The following KCNIP4 variants were observed in gnomAD, a reference collection of about 807,000 sequenced individuals.
KCNIP4 encodes Kv channel-interacting protein 4.
KCNIP4 carries 12 observed loss-of-function variants against 34.0 expected under a neutral mutation model. The ratio of observed to expected loss-of-function variants is 0.35; its 90% confidence interval spans 0.23 to 0.57. The LOEUF is 0.57. KCNIP4 is among the 20% of genes least tolerant of loss of function. The pLI, the probability that KCNIP4 is intolerant of heterozygous loss-of-function variation, is 0.83. For synonymous variants in KCNIP4, 124 were observed against 102.2 expected, an observed-to-expected ratio of 1.21 and a Z score of -1.29; for missense variants, 238 against 311.7, an observed-to-expected ratio of 0.76 and a Z score of 1.78.
At position 21,140,400 on chromosome 4, in the gene KCNIP4, G is replaced by A. The variant is rs188388713; in HGVS notation, c.62-257691C>T. On this transcript the variant is annotated intron_variant, in intron 1 of 8. Transcript: ENST00000382152. ...AGTAAGTGCTTACAATCTTATCAAA[G>A]CCCATCAAAGCCCATTCCCTTTCCT... is the stretch of plus-strand genomic sequence containing the variant. Among the ~76,000 whole-genome samples the A allele has an allele frequency of 9.9e-5, 15 of 152,138 alleles. 1 individual carries two copies. In the East Asian group the frequency reaches 2.9e-3, roughly 29 times the overall value.
intron 1 of KCNIP4, among the ~76,000 whole-genome samples, chr4:20,967,917 A>G (rs1383265510): frequency 1.3e-5 from 2 of 152,246 alleles, no homozygotes; most frequent in African/African-American, 4.8e-5. Flanking sequence ...AACAAAAGCC[A>G]CAATAGACAA....
chr4:21,834,988 G>T (rs1258015229), intron 1 of KCNIP4, among the ~76,000 whole-genome samples: 3 of 151,930 alleles, frequency 2.0e-5, no homozygotes, highest in Admixed American at 1.3e-4. Flanking sequence ...TGCTGGATTC[G>T]ATTTGCCAGT....
chr4:21,934,063 G>T (rs1208870682), intron 1 of KCNIP4, among the ~76,000 whole-genome samples: 1 of 152,056 alleles, frequency 6.6e-6, no homozygotes, highest in Non-Finnish European at 1.5e-5. Context: ...TTCTGAGTTG[G>T]TTAGTCTTAG....
At chr4:21,771,610 T>C (rs1325587319) in intron 1 of KCNIP4, among the ~76,000 whole-genome samples, 1 of 152,218 alleles carries the variant, frequency 6.6e-6, no homozygotes, top group African/African-American at 2.4e-5. Context: ...GTGTCCTCCC[T>C]TAGTTCCTTG....
intron 1 of KCNIP4, among the ~76,000 whole-genome samples, chr4:21,423,957 G>A (rs945947951): frequency 1.3e-5 from 2 of 150,864 alleles, no homozygotes; most frequent in East Asian, 2.0e-4. Flanking sequence ...ACAGGCGCGC[G>A]CCACCATGCC....
intron 1 of KCNIP4, among the ~76,000 whole-genome samples, chr4:21,737,955 A>G (rs1374610505): frequency 6.6e-6 from 1 of 151,822 alleles, no homozygotes; most frequent in Non-Finnish European, 1.5e-5. Context: ...TTAGTGGGGC[A>G]TGGTGGCACG....
intron 1 of KCNIP4, among the ~76,000 whole-genome samples, chr4:21,740,063 C>A (rs1291439353): frequency 1.3e-5 from 2 of 151,948 alleles, no homozygotes; most frequent in African/African-American, 2.4e-5. Flanking sequence ...TACAGCCAAG[C>A]AACTTTTCAA....
At chr4:21,166,087 G>T (rs1753608702) in intron 1 of KCNIP4, among the ~76,000 whole-genome samples, 1 of 152,066 alleles carries the variant, frequency 6.6e-6, no homozygotes, top group African/African-American at 2.4e-5. Flanking sequence ...AGAACTGTGA[G>T]CAATATATTT....
At chr4:21,803,754 G>A (rs1721136660) in intron 1 of KCNIP4, among the ~76,000 whole-genome samples, 1 of 152,112 alleles carries the variant, frequency 6.6e-6, no homozygotes, top group South Asian at 2.1e-4. Flanking sequence ...TATACAAACA[G>A]GCAATTCCTG....
chr4:21,399,322 C>T (rs1275399599), intron 1 of KCNIP4, among the ~76,000 whole-genome samples: 3 of 152,228 alleles, frequency 2.0e-5, no homozygotes, highest in African/African-American at 4.8e-5. Flanking sequence ...GAGGTAGCTG[C>T]TCTTCCCCAC....
chr4:21,697,492 T>C, intron 1 of KCNIP4: 1 of 1,506,358 alleles, frequency 6.6e-7, no homozygotes, highest in Non-Finnish European at 8.8e-7. Flanking sequence ...CCAATAATAA[T>C]AATAATAATA....
intron 1 of KCNIP4, among the ~76,000 whole-genome samples, chr4:21,687,824 TAGGTG>T (rs1393373414): frequency 1.3e-5 from 2 of 152,170 alleles, no homozygotes; most frequent in Non-Finnish European, 2.9e-5. Flanking sequence ...AATGTCTCAC[TAGGTG>T]ATATCTGAGC....
At chr4:21,261,335 C>A (rs1444534753) in intron 1 of KCNIP4, among the ~76,000 whole-genome samples, 1 of 149,976 alleles carries the variant, frequency 6.7e-6, no homozygotes, top group Non-Finnish European at 1.5e-5. Flanking sequence ...GAAAAGATTT[C>A]TTTAAGATTA....
intron 1 of KCNIP4, among the ~76,000 whole-genome samples, chr4:21,335,939 TTC>T (rs1209159660): frequency 2.6e-5 from 4 of 152,264 alleles, no homozygotes; most frequent in Admixed American, 2.6e-4. Context: ...CCTCTCTACT[TTC>T]TCTGTCCTTA....
chr4:21,748,845 T>C (rs933927749), intron 1 of KCNIP4, among the ~76,000 whole-genome samples: 4 of 152,164 alleles, frequency 2.6e-5, no homozygotes, highest in Non-Finnish European at 5.9e-5. Context: ...ATCCTGTCAC[T>C]AATGTCCAGT....
intron 1 of KCNIP4, among the ~76,000 whole-genome samples, chr4:21,031,128 T>C (rs556593583): frequency 3.9e-5 from 6 of 152,216 alleles, no homozygotes; most frequent in Non-Finnish European, 5.9e-5. Context: ...CCCATGACTA[T>C]ACAACCTTCC....
chr4:21,298,136 C>T (rs1763946676), intron 1 of KCNIP4, among the ~76,000 whole-genome samples: 1 of 152,130 alleles, frequency 6.6e-6, no homozygotes, highest in Admixed American at 6.6e-5. Context: ...GAGGCATATG[C>T]AACACTTTTT....
At chr4:21,795,004 C>T (rs1350387253) in intron 1 of KCNIP4, among the ~76,000 whole-genome samples, 1 of 152,150 alleles carries the variant, frequency 6.6e-6, no homozygotes, top group Non-Finnish European at 1.5e-5. Flanking sequence ...AGCAAATAGG[C>T]CTTTTGTCCT....
At chr4:21,096,957 A>T (rs1747509871) in intron 1 of KCNIP4, among the ~76,000 whole-genome samples, 2 of 152,302 alleles carry the variant, frequency 1.3e-5, no homozygotes, top group South Asian at 4.1e-4. Flanking sequence ...AGACAATGGG[A>T]CAAAGTTTCA....
Sources: allele counts gnomAD v4.1 joint callset (sites outside exome capture counted in the v4.1 genomes callset), GRCh38; gene constraint gnomAD v4.1.1; transcripts MANE v1.5; gene names NCBI Gene and HGNC (gene_info 2026-07-23, HGNC 2026-07-21).